ZNF423: variants seen among roughly 807,000 people sequenced by gnomAD.
ZNF423 encodes zinc finger protein 423.
ZNF423 carries 12 observed loss-of-function variants against 95.8 expected under a neutral mutation model. That is an observed-to-expected ratio of 0.13 (90% CI 0.08 to 0.20). The LOEUF is 0.20. Among genes scored for constraint, ZNF423 ranks in the 10% least tolerant of loss-of-function variants. The pLI, the probability that ZNF423 is intolerant of heterozygous loss-of-function variation, is 1.00. For synonymous variants in ZNF423, 749 were observed against 711.9 expected (o/e 1.05, Z -0.83); for missense variants, 1,316 against 1,737.1 (o/e 0.76, Z 4.31).
intron 3 of ZNF423, among the ~76,000 whole-genome samples, chr16:49,714,356 C>G (rs901435725): frequency 1.3e-5 from 2 of 152,126 alleles, no homozygotes; most frequent in Non-Finnish European, 2.9e-5. Flanking sequence ...ATACTAGGAG[C>G]TAAATTAAAA....
At chr16:49,592,474 C>T (rs901605190) in intron 5 of ZNF423, among the ~76,000 whole-genome samples, 1 of 152,180 alleles carries the variant, frequency 6.6e-6, no homozygotes, top group Non-Finnish European at 1.5e-5. Context: ...GGGACCTATT[C>T]GACCCCAGAG....
chr16:49,528,342 G>A (rs538468086), intron 5 of ZNF423, among the ~76,000 whole-genome samples: 1 of 152,266 alleles, frequency 6.6e-6, no homozygotes, highest in Admixed American at 6.5e-5. Flanking sequence ...TCATAAATAT[G>A]TGCACAGTCA....
At chr16:49,614,507 T>C (rs572487893) in intron 5 of ZNF423, among the ~76,000 whole-genome samples, 1 of 152,284 alleles carries the variant, frequency 6.6e-6, no homozygotes, top group South Asian at 2.1e-4. Context: ...AGTCTTGAAA[T>C]GATAAAATTA....
chr16:49,493,985 C>A (rs1967064901), intron 7 of ZNF423, among the ~76,000 whole-genome samples: 1 of 152,212 alleles, frequency 6.6e-6, no homozygotes, highest in Non-Finnish European at 1.5e-5. Flanking sequence ...TCCCCAAGGA[C>A]CACCCACTAC....
chr16:49,834,852 G>A (rs2035100134), intron 1 of ZNF423, among the ~76,000 whole-genome samples: 2 of 152,142 alleles, frequency 1.3e-5, no homozygotes, highest in South Asian at 2.1e-4. Flanking sequence ...AGCAACAGGG[G>A]ACTAAAGTGG....
chr16:49,787,294 G>GA (rs1246938111), intron 2 of ZNF423, among the ~76,000 whole-genome samples: 8 of 150,026 alleles, frequency 5.3e-5, no homozygotes, highest in Non-Finnish European at 8.9e-5. Flanking sequence ...TTAAAAAAAA[G>GA]AAAAAAAAAG....
chr16:49,763,487 A>G (rs1039593934), intron 2 of ZNF423, among the ~76,000 whole-genome samples: 9 of 152,104 alleles, frequency 5.9e-5, no homozygotes, highest in African/African-American at 2.2e-4. Flanking sequence ...GCTGGACAGC[A>G]AGGTTTTACA....
At chr16:49,847,154 A>AG (rs1491273449) in intron 1 of ZNF423, 1 of 152,220 alleles carries the variant, frequency 6.6e-6, no homozygotes, top group Non-Finnish European at 1.5e-5. Flanking sequence ...CAGAGAAAAC[A>AG]GGGGGAGAAA....
At chr16:49,500,630 A>C (rs572557745) in intron 7 of ZNF423, among the ~76,000 whole-genome samples, 1 of 152,270 alleles carries the variant, frequency 6.6e-6, no homozygotes, top group East Asian at 1.9e-4. Flanking sequence ...AAAAAATGGC[A>C]CTGGAGCTGG....
chr16:49,487,647 AT>A lies in ZNF423; in HGVS notation c.*3627del. The stretch of plus-strand genomic sequence containing the variant: ...GCACCCAAGTTATAGTCGCAAGTCT[AT>A]CCTGAATGGTATGATCTTGGACAAG... On this transcript the variant is annotated 3_prime_UTR_variant, in exon 8 of 8. Coordinates refer to ENST00000563137, the MANE Select transcript of ZNF423 (RefSeq NM_001379286.1). 1 of 152,206 alleles carries A rather than the reference AT, an allele frequency of 6.6e-6. No individual in the cohort carries two copies. The highest frequency in any genetic ancestry group is 1.5e-5 in the Non-Finnish European group (1 of 68,032). The allele number at this position is 152,206 out of a possible 1,614,324, so 9.4% of individuals were successfully genotyped here.
chr16:49,685,771 G>A (rs1280460431), intron 3 of ZNF423, among the ~76,000 whole-genome samples: 1 of 152,086 alleles, frequency 6.6e-6, no homozygotes, highest in Non-Finnish European at 1.5e-5. Context: ...CAGGAACTCT[G>A]CCAAGGATGA....
intron 1 of ZNF423, among the ~76,000 whole-genome samples, chr16:49,820,132 G>T (rs933441196): frequency 2.0e-5 from 3 of 152,020 alleles, no homozygotes; most frequent in Admixed American, 1.3e-4. Flanking sequence ...ACGGACGGAC[G>T]GACAGACAGA....
chr16:49,561,104 G>A (rs1433227697), intron 5 of ZNF423, among the ~76,000 whole-genome samples: 3 of 152,022 alleles, frequency 2.0e-5, no homozygotes, highest in Admixed American at 6.5e-5. Flanking sequence ...CTATATGCAC[G>A]TACATGTGCA....
At chr16:49,504,261 GTGAAT>G in intron 7 of ZNF423, among the ~76,000 whole-genome samples, 1 of 152,174 alleles carries the variant, frequency 6.6e-6, no homozygotes, top group Non-Finnish European at 1.5e-5. Context: ...TTTATGCTAC[GTGAAT>G]TTTTACAATG....
chr16:49,815,904 ATATATATATATTTT>A (rs1468073808), intron 1 of ZNF423, among the ~76,000 whole-genome samples: 8 of 46,588 alleles, frequency 1.7e-4, no homozygotes, highest in African/African-American at 6.2e-4. Context: ...ATATATATAT[ATATATATATATTTT>A]TTTTTTTTTT....
At chr16:49,809,872 C>G (rs1184497900) in intron 1 of ZNF423, among the ~76,000 whole-genome samples, 1 of 152,136 alleles carries the variant, frequency 6.6e-6, no homozygotes, top group African/African-American at 2.4e-5. Context: ...CAGGGGAAGC[C>G]TTATGAACCG....
At chr16:49,723,572 GTTTT>G (rs1448424079) in intron 3 of ZNF423, among the ~76,000 whole-genome samples, 1 of 152,196 alleles carries the variant, frequency 6.6e-6, no homozygotes, top group Non-Finnish European at 1.5e-5. Context: ...GTAGTTGAAT[GTTTT>G]GACTTTGGTT....
intron 3 of ZNF423, among the ~76,000 whole-genome samples, chr16:49,661,636 A>G (rs1307441251): frequency 2.6e-5 from 4 of 152,118 alleles, no homozygotes; most frequent in Admixed American, 2.6e-4. Flanking sequence ...CCTCGCATCC[A>G]CTCACTCAAT....
intron 1 of ZNF423, among the ~76,000 whole-genome samples, chr16:49,797,686 G>A (rs1379872727): frequency 6.6e-6 from 1 of 152,204 alleles, no homozygotes; most frequent in Non-Finnish European, 1.5e-5. Flanking sequence ...CAATATGACA[G>A]TCACATCACA....
Sources: allele counts gnomAD v4.1 joint callset (sites outside exome capture counted in the v4.1 genomes callset), GRCh38; gene constraint gnomAD v4.1.1; transcripts MANE v1.5; gene names NCBI Gene and HGNC (gene_info 2026-07-23, HGNC 2026-07-21).